The following EIF4G3 variants were observed in gnomAD, a reference collection of about 807,000 sequenced individuals.
EIF4G3 encodes eukaryotic translation initiation factor 4 gamma 3.
EIF4G3 carries 34 observed loss-of-function variants against 186.4 expected under a neutral mutation model. That is an observed-to-expected ratio of 0.18 (90% CI 0.14 to 0.24). The LOEUF is 0.24. EIF4G3 is among the 10% of genes least tolerant of loss of function. The pLI is 1.00. For missense variants in EIF4G3, 1,536 were observed against 1,948.5 expected (o/e 0.79, Z 3.99); for synonymous variants, 673 against 679.5 (o/e 0.99, Z 0.15).
intron 2 of EIF4G3, chr1:21,161,775 C>T (rs1242677684): frequency 6.6e-6 from 1 of 151,980 alleles, no homozygotes; most frequent in Non-Finnish European, 1.5e-5. Context: ...CGAGACCAGC[C>T]TAATCAACAT....
rs1184221597 is a variant in EIF4G3 at position 20,857,175 on chromosome 1, A to AAAAAAAAAAAAG, written c.3339+227_3339+228insCTTTTTTTTTTT. On this transcript the variant is annotated intron_variant, in intron 25 of 36. Transcript: ENST00000602326. ...GAGACTCCATCTCAAAAAAAAAAAAAAAAAGAAAATGTAGAAATGAGTTTG... is the reference window on the plus strand; with the variant it reads ...GAGACTCCATCTCAAAAAAAAAAAAAAAAAAAAAAAAGAAAAGAAAATGTAGAAATGAGTTTG... Among the ~76,000 whole-genome samples the AAAAAAAAAAAAG allele has an allele frequency of 5.6e-4, 85 of 150,570 alleles. 2 individuals are homozygous for AAAAAAAAAAAAG. Among genetic ancestry groups the AAAAAAAAAAAAG allele is most frequent in the Non-Finnish European group, 1.1e-3 (77 of 67,484 alleles).
intron 23 of EIF4G3, among the ~76,000 whole-genome samples, 187 bp downstream of exon 23, chr1:20,862,041 C>G (rs1028671966): frequency 6.6e-6 from 1 of 152,044 alleles, no homozygotes; most frequent in African/African-American, 2.4e-5. Flanking sequence ...AGAAGAAGCA[C>G]GTAACTGGCA....
chr1:21,061,972 C>T lies in EIF4G3; in HGVS notation c.-195-10978G>A, dbSNP rs547555026. Among the ~76,000 whole-genome samples the T allele has an allele frequency of 3.3e-3, 504 of 151,980 alleles. 2 individuals carry two copies. Among genetic ancestry groups the T allele is most frequent in the Non-Finnish European group, 5.9e-3 (398 of 67,996 alleles). ...ATGTTGGCCAGGCTGGTCTCAAATA[C>T]CTGACCTCAAGTGATCCATCCACCT... On this transcript the variant is annotated intron_variant, in intron 3 of 36. Transcript: ENST00000602326.
At chr1:20,846,027 T>G (rs963099178) in intron 29 of EIF4G3, among the ~76,000 whole-genome samples, 1 of 152,206 alleles carries the variant, frequency 6.6e-6, no homozygotes, top group African/African-American at 2.4e-5. Context: ...ACTTCCCTTG[T>G]TAGCTGTATT....
chr1:21,173,165 A>AAAAAG (rs2098022423), intron 2 of EIF4G3, among the ~76,000 whole-genome samples: 1 of 146,564 alleles, frequency 6.8e-6, no homozygotes, highest in Admixed American at 6.8e-5. Flanking sequence ...AAAAAAAAAA[A>AAAAAG]GACGTGGGTT....
intron 3 of EIF4G3, among the ~76,000 whole-genome samples, chr1:21,059,573 G>T (rs2094775675): frequency 6.6e-6 from 1 of 151,450 alleles, no homozygotes; most frequent in Admixed American, 6.6e-5. Context: ...AAAGAAAATG[G>T]CATTCCTCCT....
At position 21,176,234 on chromosome 1, in the gene EIF4G3, C is replaced by CACCGCT. The variant is rs1553339208; in HGVS notation, c.-332_-331insAGCGGT. On this transcript the variant is annotated 5_prime_UTR_variant, in exon 2 of 37. Coordinates refer to ENST00000602326, the MANE Select transcript of EIF4G3 (RefSeq NM_001391906.1). ...TCGGGTGAGGAGGGGGGACCGCTGC[C>CACCGCT]GCCGCCGCCGCCGCCGCCGCCGCCG... 1.6e-5 allele frequency: 2 copies of CACCGCT among 121,310 alleles called. No homozygotes were observed. Among genetic ancestry groups the CACCGCT allele is most frequent in the African/African-American group, 9.7e-5 (2 of 20,654 alleles). 7.5% of individuals were successfully genotyped at this position (121,310 alleles called of 1,614,324 possible). A position where few individuals can be genotyped will look rare whatever the true frequency, so the allele number is the denominator to read the frequency against.
At chr1:20,872,832 C>T (rs947569199) in intron 20 of EIF4G3, among the ~76,000 whole-genome samples, 5 of 150,638 alleles carry the variant, frequency 3.3e-5, no homozygotes, top group African/African-American at 1.2e-4. Flanking sequence ...AATTCTCCTG[C>T]CTCAAGCAAT....
intron 2 of EIF4G3, among the ~76,000 whole-genome samples, chr1:21,159,940 T>A (rs1343484887): frequency 2.0e-5 from 3 of 152,016 alleles, no homozygotes; most frequent in African/African-American, 7.3e-5. Flanking sequence ...ACCCCGTCTA[T>A]ACAAAAATAC....
At chr1:20,865,321 ATC>A (rs1217071503) in intron 20 of EIF4G3, 59 bp from the exon 21 acceptor site, 12 of 1,582,144 alleles carry the variant, frequency 7.6e-6, no homozygotes, top group African/African-American at 1.4e-5. Flanking sequence ...CATTAAAAAT[ATC>A]TGTTTGCTTT....
At chr1:21,010,900 G>C (rs191375368) in intron 4 of EIF4G3, among the ~76,000 whole-genome samples, 2 of 152,318 alleles carry the variant, frequency 1.3e-5, no homozygotes, top group East Asian at 3.9e-4. Flanking sequence ...AATAAAGACT[G>C]AAGCTTTAAG....
At chr1:20,969,966 CT>C (rs949288119) in intron 11 of EIF4G3, among the ~76,000 whole-genome samples, 8 of 151,014 alleles carry the variant, frequency 5.3e-5, no homozygotes, top group Admixed American at 6.6e-5. Flanking sequence ...ATAAAAGTTC[CT>C]TTTTTTTTCT....
chr1:21,036,842 C>G (rs2093247437), intron 4 of EIF4G3, among the ~76,000 whole-genome samples: 1 of 152,134 alleles, frequency 6.6e-6, no homozygotes, highest in African/African-American at 2.4e-5. Flanking sequence ...GATCGTGCCA[C>G]TGCACTCCAA....
intron 31 of EIF4G3, 59 bp downstream of exon 31, chr1:20,829,088 C>A (rs1414055523): frequency 6.4e-7 from 1 of 1,571,374 alleles, no homozygotes; most frequent in African/African-American, 1.4e-5. Flanking sequence ...AGAGAGCTAG[C>A]AAGTGAGTTA....
intron 2 of EIF4G3, among the ~76,000 whole-genome samples, chr1:21,156,673 A>G (rs2097666651): frequency 6.6e-6 from 1 of 152,244 alleles, no homozygotes; most frequent in Non-Finnish European, 1.5e-5. Context: ...AATCAAAGAT[A>G]GTCAAATCCC....
At chr1:21,124,842 A>G (rs2096997887) in intron 2 of EIF4G3, among the ~76,000 whole-genome samples, 1 of 152,234 alleles carries the variant, frequency 6.6e-6, no homozygotes, top group African/African-American at 2.4e-5. Flanking sequence ...ATACTAAGGA[A>G]AAATTTACTC....
intron 10 of EIF4G3, among the ~76,000 whole-genome samples, chr1:20,976,717 T>A (rs1284895407): frequency 1.3e-5 from 2 of 152,100 alleles, no homozygotes; most frequent in Admixed American, 6.5e-5. Context: ...TAAAAAAAAT[T>A]CAAAACCTTG....
intron 4 of EIF4G3, among the ~76,000 whole-genome samples, chr1:21,015,396 G>T (rs962195767): frequency 5.3e-5 from 8 of 151,866 alleles, no homozygotes; most frequent in African/African-American, 1.9e-4. Context: ...TGAAGACATG[G>T]ATATATGATA....
In EIF4G3 at chr1:21,013,016, G is replaced by A. The variant is rs148792874; in HGVS notation, c.-66-10208C>T. Among the ~76,000 whole-genome samples the A allele has an allele frequency of 4.5e-4, 69 of 152,146 alleles. 1 individual carries two copies. In the East Asian group the frequency reaches 0.012, roughly 26 times the overall value. ...CCTAGAACTAAAGCAGATTTAGTGC[G>A]GAATATGAAAGTAGAAGCAGTAGCA... On this transcript the variant is annotated intron_variant, in intron 4 of 36. Coordinates refer to ENST00000602326, the MANE Select transcript of EIF4G3 (RefSeq NM_001391906.1).
Sources: gnomAD v4.1 joint callset for allele counts (sites outside exome capture counted in the v4.1 genomes callset) on GRCh38, gnomAD v4.1.1 for gene constraint, MANE v1.5 for transcripts, NCBI Gene and HGNC (gene_info 2026-07-23, HGNC 2026-07-21) for gene names.